Variants in RTTN observed in about 807,000 individuals in gnomAD.
RTTN encodes the protein rotatin.
A neutral mutation model predicts 269.2 loss-of-function variants in RTTN; 182 were observed. The ratio of observed to expected loss-of-function variants is 0.68; its 90% CI spans 0.60 to 0.76. The LOEUF (loss-of-function observed/expected upper bound fraction) is 0.76. RTTN is among the 30% of genes least tolerant of loss of function. RTTN has a pLI of 0.00. For synonymous variants in RTTN, 1,006 were observed against 963.5 expected (o/e 1.04, Z -0.82); for missense variants, 2,545 against 2,608.6 (o/e 0.98, Z 0.53).
At chr18:70,139,761 C>A (rs771113028) in intron 20 of RTTN, 45 bp from the exon 21 acceptor site, 2 of 1,147,538 alleles carry the variant, frequency 1.7e-6, no homozygotes, top group Middle Eastern at 1.9e-4. Flanking sequence ...CACCAATTAT[C>A]AGGTGAGATC....
At chr18:70,120,738 T>C (rs1363620443) in intron 26 of RTTN, among the ~76,000 whole-genome samples, 1 of 152,174 alleles carries the variant, frequency 6.6e-6, no homozygotes, top group Non-Finnish European at 1.5e-5. Flanking sequence ...ATAGCCAAAA[T>C]TTTTAGAATA....
Position 70,196,567 on chromosome 18 carries a change from G to A in RTTN, c.775C>T (p.Leu259=), listed in dbSNP as rs2146139787. Residue 259 remains leucine (L), a synonymous_variant, in exon 7 of 49, where the codon CTG becomes TTG. Coordinates refer to ENST00000640769, the MANE Select transcript of RTTN (RefSeq NM_173630.4). ...ALQSVSCLQQ[L]CMYLRNRLNF... ...AGTCTGTTTCTTAAATACATGCACA[G>A]CTGCTGCAGGCAGGACACCGACTGT... 4 of 1,612,356 alleles carry A rather than the reference G, an allele frequency of 2.5e-6. No individual in the cohort carries two copies. The South Asian group carries it at 4.4e-5, about 18-fold the overall frequency.
rs1224973744 is a variant in RTTN, at chr18:70,004,227, T to C, written c.6605A>G (p.Asn2202Ser). 6.2e-7 allele frequency: 1 copy of C among 1,612,910 alleles called. No homozygotes were observed. The highest frequency in any genetic ancestry group is 8.5e-7 in the Non-Finnish European group (1 of 1,179,046). Residue 2202 changes from asparagine to serine, a missense_variant, in exon 49 of 49, where the codon AAC (asparagine) becomes AGC (serine). Coordinates refer to ENST00000640769, the MANE Select transcript of RTTN (RefSeq NM_173630.4). ...GGCATTTAGAGGGTTTGCTTCTGAG[T>C]TTGGGAAAGCTGAGATAGAAAAATA... Reference protein sequence around the residue: ...AYSLAKKTFPNSEANPLNAYY... With the variant: ...AYSLAKKTFPSSEANPLNAYY...
chr18:70,186,078 C>T (rs1054125460), intron 10 of RTTN, among the ~76,000 whole-genome samples: 23 of 146,186 alleles, frequency 1.6e-4, no homozygotes, highest in Admixed American at 1.2e-3. Context: ...CCCTCTCCCC[C>T]CCAAAAAAAA....
chr18:70,019,520 CA>C (rs1397424488), intron 45 of RTTN: 2 of 152,016 alleles, frequency 1.3e-5, no homozygotes, highest in Non-Finnish European at 1.5e-5. Context: ...CATACATGAA[CA>C]TATACATGAA....
chr18:70,123,549 T>C (rs1024840652), intron 25 of RTTN, among the ~76,000 whole-genome samples: 2 of 152,062 alleles, frequency 1.3e-5, no homozygotes, highest in African/African-American at 4.8e-5. Context: ...TGAATTCGAC[T>C]TTTTTAGATT....
rs925393086 is a variant in RTTN, at chr18:70,029,943, C to T, written c.5745+69G>A. On this transcript the variant is annotated intron_variant, in intron 42 of 48. Transcript: ENST00000640769. The stretch of plus-strand genomic sequence containing the variant: ...GAGACACTCATTTCAAGCTCGTGCT[C>T]ATTTCTAGGCACAAGAGGACTGGAG... 51 of 1,101,166 alleles carry T rather than the reference C, an allele frequency of 4.6e-5. No homozygotes were observed. In the Middle Eastern group the frequency reaches 1.6e-3, roughly 35 times the overall value. 68.2% of individuals were successfully genotyped at this position (1,101,166 alleles called of 1,614,324 possible).
At position 70,057,832 on chromosome 18, in the gene RTTN, G is replaced by A. The variant is rs762833102; in HGVS notation, c.4941C>T (p.Ser1647=). 1.2e-6 allele frequency: 2 copies of A among 1,609,984 alleles called. No homozygotes were observed. The highest frequency in any genetic ancestry group is 1.1e-5 in the South Asian group (1 of 90,700). ...RQAHLIELLC[S]IADATLIQTC... ...TCTGTATGAGGGTAGCATCTGCAAT[G>A]CTGTGACGATCAGAAAAAGAAAATC... Residue 1647 remains serine, a splice_region_variant and synonymous_variant, in exon 37 of 49, where the codon AGC becomes AGT. Transcript: ENST00000640769.
chr18:70,205,382 G>A, intron 1 of RTTN, 67 bp from the exon 2 acceptor site: 1 of 1,576,740 alleles, frequency 6.3e-7, no homozygotes, highest in Non-Finnish European at 8.7e-7. Flanking sequence ...TTTATGCTGT[G>A]GGCAGGAGCG....
intron 25 of RTTN, among the ~76,000 whole-genome samples, chr18:70,126,218 T>C (rs1381197): frequency 0.72 from 110,247 of 152,078 alleles, 46,671 homozygotes; most frequent in East Asian, 1. Context: ...TAATGTGGTA[T>C]TGCATACTAT....
At chr18:70,033,164 C>T (rs1031813412) in intron 40 of RTTN, among the ~76,000 whole-genome samples, 2 of 152,212 alleles carry the variant, frequency 1.3e-5, no homozygotes, top group Non-Finnish European at 2.9e-5. Context: ...TCTCTTCCTC[C>T]TGCTCCCACC....
At chr18:70,112,483 CAAAAAAAA>C (rs36147576) in intron 27 of RTTN, among the ~76,000 whole-genome samples, 1 of 68,046 alleles carries the variant, frequency 1.5e-5, no homozygotes, top group South Asian at 9.5e-4. Context: ...AAATGGAAAG[CAAAAAAAA>C]AAAAAAAAAA....
At chr18:70,010,675 G>T (rs910361843) in intron 46 of RTTN, among the ~76,000 whole-genome samples, 1 of 152,102 alleles carries the variant, frequency 6.6e-6, no homozygotes, top group African/African-American at 2.4e-5. Flanking sequence ...ACAATTAAAA[G>T]AACTAGAGAA....
chr18:70,033,796 A>C (rs1666443924), intron 40 of RTTN, among the ~76,000 whole-genome samples: 2 of 152,146 alleles, frequency 1.3e-5, no homozygotes, highest in Non-Finnish European at 2.9e-5. Context: ...TTTTTGAAAA[A>C]AATAATAAAA....
intron 35 of RTTN, among the ~76,000 whole-genome samples, chr18:70,064,310 C>G (rs1351538905): frequency 7.7e-6 from 1 of 129,812 alleles, no homozygotes; most frequent in Non-Finnish European, 1.6e-5. Context: ...TGCACTCCAG[C>G]CTGGGCAACA....
At position 70,048,164 on chromosome 18, in the gene RTTN, A is replaced by G; in HGVS notation, c.5348T>C (p.Leu1783Ser). 2 of 1,614,110 alleles carry G rather than the reference A, an allele frequency of 1.2e-6. No individual in the cohort carries two copies. Among genetic ancestry groups the G allele is most frequent in the Non-Finnish European group, 1.7e-6 (2 of 1,179,950 alleles). ...AIDMFCTCAG[L>S]SATCPALYTA... ...ATACAGGGCAGGACACGTGGCAGAC[A>G]AGCCTGCACATGTGCAGAACATATC... Residue 1783 changes from leucine (L) to serine (S), a missense_variant, in exon 40 of 49, where the codon TTG (leucine) becomes TCG (serine). Leu to Ser is a moderately radical substitution (Grantham distance 145). Transcript: ENST00000640769.
Position 70,030,975 on chromosome 18 carries a change from C to T in RTTN, c.5548G>A (p.Glu1850Lys). 2 of 1,607,802 alleles carry T rather than the reference C, an allele frequency of 1.2e-6. No homozygotes were observed. The highest frequency in any genetic ancestry group is 1.7e-6 in the Non-Finnish European group (2 of 1,175,598). ...AGGATATCTTTGGAGGATTTCCCTT[C>T]ATAGCACTGCAGAGAATATAAATCA... ...QLSDVILQCY[E>K]GKSSKDILKR... The change falls in exon 41 of 49, where the codon GAA becomes AAA. Residue 1850 changes from glutamate (E) to lysine (K), a missense_variant. Physicochemically the swap from Glu to Lys is moderately conservative, Grantham distance 56. Coordinates refer to ENST00000640769, the MANE Select transcript of RTTN (RefSeq NM_173630.4).
At chr18:70,100,401 G>A (rs959541298) in intron 28 of RTTN, among the ~76,000 whole-genome samples, 1 of 152,208 alleles carries the variant, frequency 6.6e-6, no homozygotes, top group Non-Finnish European at 1.5e-5. Flanking sequence ...GTATAGGAAT[G>A]CTTGTGACTT....
rs535230168 is a variant in RTTN, at chr18:70,103,482, T to C, written c.3903+6016A>G. On this transcript the variant is annotated intron_variant, in intron 28 of 48. Transcript: ENST00000640769. ...CCCCAACCACGTGCTCTCTGAAACA[T>C]GTGCTGTGTCAACTCAGGGTTAAAT... Among the ~76,000 whole-genome samples the C allele has an allele frequency of 1.5e-3, 234 of 152,256 alleles. 1 individual carries two copies. The highest frequency in any genetic ancestry group is 2.2e-3 in the Non-Finnish European group (153 of 68,018).
Sources: gnomAD v4.1 joint callset for allele counts (sites outside exome capture counted in the v4.1 genomes callset) on GRCh38, gnomAD v4.1.1 for gene constraint, MANE v1.5 for transcripts, NCBI Gene and HGNC (gene_info 2026-07-23, HGNC 2026-07-21) for gene names.